The following MRPS27 variants were observed in gnomAD, a reference collection of about 807,000 sequenced individuals.
MRPS27 encodes the protein small ribosomal subunit protein mS27.
MRPS27 carries 43 observed loss-of-function variants against 48.9 expected under a neutral mutation model. The ratio of observed to expected loss-of-function variants is 0.88; its 90% CI spans 0.69 to 1.13. The LOEUF (loss-of-function observed/expected upper bound fraction) is 1.13, where lower values mean the gene tolerates loss of function less well. Ranked by LOEUF, MRPS27 falls within the 50% of genes most tolerant of loss-of-function variation. MRPS27 has a pLI of 0.00. For missense variants in MRPS27, 467 were observed against 476.3 expected (o/e 0.98, Z 0.18); for synonymous variants, 188 against 171.9 (o/e 1.09, Z -0.73).
At chr5:72,231,455 T>A (rs1417279987) in intron 7 of MRPS27, among the ~76,000 whole-genome samples, 6 of 152,192 alleles carry the variant, frequency 3.9e-5, no homozygotes, top group Non-Finnish European at 8.8e-5. Flanking sequence ...GTGTTCATGA[T>A]AGTCATAGTT....
chr5:72,297,511 C>A, intron 3 of MRPS27, 121 bp downstream of exon 3: 1 of 592,458 alleles, frequency 1.7e-6, no homozygotes. Context: ...AAAAACTTAC[C>A]ATACTCTCAA....
At chr5:72,223,655 AAGAG>A (rs755815900) in intron 10 of MRPS27, 24 bp downstream of exon 10, 1 of 1,613,162 alleles carries the variant, frequency 6.2e-7, no homozygotes, top group African/African-American at 1.3e-5. Context: ...ATGCGCTGCT[AAGAG>A]AGACACGTTC....
In MRPS27 at chr5:72,256,496, T is replaced by C. The variant is rs1748811042; in HGVS notation, c.282-18368A>G. Among the ~76,000 whole-genome samples, 3 of 152,234 alleles carry C rather than the reference T, an allele frequency of 2.0e-5. No homozygotes were observed. In the South Asian group the frequency reaches 6.2e-4, roughly 31 times the overall value. On this transcript the variant is annotated intron_variant, in intron 4 of 10. Coordinates refer to ENST00000261413, the MANE Select transcript of MRPS27 (RefSeq NM_015084.3). ...CATTCAACCCTTTCACTTTCATTTA[T>C]AAACAAGTTTTTTGGGCCAAGAACA...
Position 72,320,237 on chromosome 5 carries a change from A to T in MRPS27, c.-16T>A. ...AGGCAGCCATCTTGGAGCGTACCAAAAGGAACAGCCAACGGGTTACGGACA... is the reference window on the plus strand; with the variant it reads ...AGGCAGCCATCTTGGAGCGTACCAATAGGAACAGCCAACGGGTTACGGACA... On this transcript the variant is annotated 5_prime_UTR_variant, in exon 1 of 11. Coordinates refer to ENST00000261413, the MANE Select transcript of MRPS27 (RefSeq NM_015084.3). 6.2e-7 allele frequency: 1 copy of T among 1,613,826 alleles called. No homozygotes were observed. The highest frequency in any genetic ancestry group is 8.5e-7 in the Non-Finnish European group (1 of 1,179,844).
At chr5:72,255,029 CTTTTTTTTTTTTTTTTTTT>C (rs70999273) in intron 4 of MRPS27, among the ~76,000 whole-genome samples, 4 of 72,092 alleles carry the variant, frequency 5.5e-5, no homozygotes, top group Non-Finnish European at 1.1e-4. Context: ...CATTTCTTTT[CTTTTTTTTTTTTTTTTTTT>C]TTTTTTTTGA....
chr5:72,224,818 AT>A (rs1747849262), intron 9 of MRPS27, among the ~76,000 whole-genome samples: 1 of 152,198 alleles, frequency 6.6e-6, no homozygotes, highest in Admixed American at 6.5e-5. Flanking sequence ...ACTTTGAGGT[AT>A]ATCTCCCTTG....
intron 2 of MRPS27, among the ~76,000 whole-genome samples, chr5:72,302,113 G>T (rs753285884): frequency 4.7e-4 from 71 of 152,218 alleles, no homozygotes; most frequent in Non-Finnish European, 7.2e-4. Context: ...AACAAAACTT[G>T]AAGCTAGACA....
intron 4 of MRPS27, among the ~76,000 whole-genome samples, chr5:72,262,882 C>T (rs1391203772): frequency 2.6e-5 from 4 of 152,084 alleles, no homozygotes; most frequent in African/African-American, 4.8e-5. Context: ...ACGATCTTCC[C>T]GCCTTGGCCT....
At chr5:72,288,209 T>TC (rs1749724370) in intron 4 of MRPS27, among the ~76,000 whole-genome samples, 3 of 148,858 alleles carry the variant, frequency 2.0e-5, no homozygotes, top group Non-Finnish European at 4.5e-5. Flanking sequence ...GGGCAAGAAT[T>TC]CTTTTTTTTT....
chr5:72,228,731 G>A, intron 7 of MRPS27: 1 of 166,662 alleles, frequency 6.0e-6, no homozygotes, highest in Non-Finnish European at 1.3e-5. Flanking sequence ...ACCGACACTC[G>A]AGACAATCAA....
intron 2 of MRPS27, among the ~76,000 whole-genome samples, chr5:72,300,557 C>T (rs1750102025): frequency 1.3e-5 from 2 of 152,198 alleles, no homozygotes; most frequent in Admixed American, 1.3e-4. Context: ...TTTCAATATG[C>T]TTTTCCTATC....
chr5:72,319,955 G>T, intron 1 of MRPS27, 194 bp downstream of exon 1: 1 of 626,068 alleles, frequency 1.6e-6, no homozygotes. Context: ...CGTACCTTTG[G>T]ACAGGAACAT....
At position 72,293,337 on chromosome 5, in the gene MRPS27, T is replaced by G. The variant is rs528715012; in HGVS notation, c.281+2194A>C. On this transcript the variant is annotated intron_variant, in intron 4 of 10. Coordinates refer to ENST00000261413, the MANE Select transcript of MRPS27 (RefSeq NM_015084.3). ...ATAAAAAGAGAGTCAATTTTCTTGGTAATGGAAGGGAGGAGAAAGAACTAA... is the reference window on the plus strand; with the variant it reads ...ATAAAAAGAGAGTCAATTTTCTTGGGAATGGAAGGGAGGAGAAAGAACTAA... Among the ~76,000 whole-genome samples the G allele has an allele frequency of 3.3e-5, 5 of 150,598 alleles. No homozygotes were observed. The South Asian group carries it at 8.4e-4, about 25-fold the overall frequency.
intron 4 of MRPS27, 26 bp downstream of exon 4, chr5:72,295,505 A>C (rs753245323): frequency 6.4e-7 from 1 of 1,570,770 alleles, no homozygotes; most frequent in Non-Finnish European, 8.8e-7. Flanking sequence ...CACAGAGTAC[A>C]TAGCCAAATC....
chr5:72,319,502 T>A (rs1750677906), intron 1 of MRPS27, among the ~76,000 whole-genome samples: 1 of 151,034 alleles, frequency 6.6e-6, no homozygotes, highest in African/African-American at 2.4e-5. Context: ...GAGAAAAATG[T>A]CCCAGCCCCA....
intron 1 of MRPS27, 127 bp from the exon 2 acceptor site, chr5:72,314,285 T>C (rs1030222530): frequency 3.6e-6 from 2 of 562,970 alleles, no homozygotes; most frequent in Non-Finnish European, 3.0e-6. Context: ...TCTAATACAG[T>C]ACAGCAACCA....
At chr5:72,299,305 GA>G (rs1432458498) in intron 2 of MRPS27, among the ~76,000 whole-genome samples, 2 of 110,916 alleles carry the variant, frequency 1.8e-5, no homozygotes, top group Admixed American at 1.0e-4. Context: ...GCTCATGAAA[GA>G]AAAAAATAAA....
rs753705283 is a variant in MRPS27, at chr5:72,320,213, G to A, written c.9C>T (p.Ala3=). 1.2e-6 allele frequency: 2 copies of A among 1,613,976 alleles called. No homozygotes were observed. Among genetic ancestry groups the A allele is most frequent in the South Asian group, 1.1e-5 (1 of 91,078 alleles). The change falls in exon 1 of 11, where the codon GCC becomes GCT. Residue 3 remains alanine (A), a synonymous_variant. Transcript: ENST00000261413. ...GGAGCATCCCGCGCCGCACTATGGA[G>A]GCAGCCATCTTGGAGCGTACCAAAA... MA[A]SIVRRGMLLA... is the part of the protein sequence containing the mutation.
intron 4 of MRPS27, among the ~76,000 whole-genome samples, chr5:72,249,444 G>C (rs1363590811): frequency 6.6e-6 from 1 of 152,258 alleles, no homozygotes; most frequent in Non-Finnish European, 1.5e-5. Context: ...GGCACTGTGG[G>C]AGGCCGAGGC....
Sources: gnomAD v4.1 joint callset for allele counts (sites outside exome capture counted in the v4.1 genomes callset) on GRCh38, gnomAD v4.1.1 for gene constraint, MANE v1.5 for transcripts, NCBI Gene and HGNC (gene_info 2026-07-23, HGNC 2026-07-21) for gene names.